PTPRO: variants seen among roughly 807,000 people sequenced by gnomAD.
The protein encoded by PTPRO is receptor-type tyrosine-protein phosphatase O.
Under a neutral mutation model 145.2 loss-of-function variants are expected in PTPRO, and 62 were observed. The observed-to-expected ratio is 0.43, with a 90% CI of 0.35 to 0.53. The LOEUF (loss-of-function observed/expected upper bound fraction) is 0.53. Ranked by LOEUF, PTPRO falls within the 20% of genes least tolerant of loss-of-function variation. The probability of loss-of-function intolerance (pLI) is 0.01; values close to 1 mark genes in which losing one functional copy is unlikely to be tolerated. For missense variants in PTPRO, 1,345 were observed against 1,482.7 expected (o/e 0.91, Z 1.53); for synonymous variants, 565 against 514.7 (o/e 1.10, Z -1.32).
intron 1 of PTPRO, among the ~76,000 whole-genome samples, chr12:15,385,911 T>C (rs1939014159): frequency 6.6e-6 from 1 of 151,588 alleles, no homozygotes; most frequent in African/African-American, 2.4e-5. Context: ...GATAAAGGTA[T>C]ATTTCTCAGC....
chr12:15,529,637 A>G (rs1451996820), intron 12 of PTPRO, among the ~76,000 whole-genome samples: 1 of 152,182 alleles, frequency 6.6e-6, no homozygotes, highest in African/African-American at 2.4e-5. Flanking sequence ...ATGACAGAGC[A>G]AGACCCCCAT....
chr12:15,455,617 T>C (rs1012722427), intron 1 of PTPRO, among the ~76,000 whole-genome samples: 3 of 152,180 alleles, frequency 2.0e-5, no homozygotes, highest in Non-Finnish European at 4.4e-5. Flanking sequence ...TTATTGTAAA[T>C]GGGACTGTTG....
Position 15,395,784 on chromosome 12 carries a change from T to G in PTPRO, c.75+72983T>G, listed in dbSNP as rs571860828. On this transcript the variant is annotated intron_variant, in intron 1 of 26. Coordinates refer to ENST00000281171, the MANE Select transcript of PTPRO (RefSeq NM_030667.3). ...TATTTCAGTTTATTGTTCCTTAATA[T>G]ATGACAGCACTGGACAATTAAAGAT... Among the ~76,000 whole-genome samples the G allele has an allele frequency of 7.3e-5, 11 of 150,138 alleles. No homozygotes were observed. In the South Asian group the frequency reaches 2.3e-3, roughly 32 times the overall value.
intron 1 of PTPRO, among the ~76,000 whole-genome samples, chr12:15,387,682 A>G (rs1440634250): frequency 6.6e-6 from 1 of 152,222 alleles, no homozygotes; most frequent in East Asian, 1.9e-4. Context: ...AGTGTCTAAA[A>G]CATAACCTGG....
At chr12:15,403,010 T>G (rs1168279441) in intron 1 of PTPRO, among the ~76,000 whole-genome samples, 2 of 152,194 alleles carry the variant, frequency 1.3e-5, no homozygotes, top group Non-Finnish European at 2.9e-5. Flanking sequence ...CTTTTTAGTT[T>G]TATTTGATTG....
chr12:15,495,540 A>T (rs1244419503), intron 2 of PTPRO, among the ~76,000 whole-genome samples: 1 of 151,952 alleles, frequency 6.6e-6, no homozygotes, highest in South Asian at 2.1e-4. Context: ...CTCAATTCTA[A>T]AAGTGTGAAT....
chr12:15,378,289 T>C (rs1290425526), intron 1 of PTPRO, among the ~76,000 whole-genome samples: 1 of 151,698 alleles, frequency 6.6e-6, no homozygotes, highest in East Asian at 1.9e-4. Flanking sequence ...ATTACTGAAA[T>C]CAGGAATGAA....
intron 17 of PTPRO, among the ~76,000 whole-genome samples, chr12:15,562,419 C>T (rs138257987): frequency 6.8e-4 from 103 of 152,286 alleles, no homozygotes; most frequent in Non-Finnish European, 9.3e-4. Context: ...TCTCCCCAGA[C>T]GCACACTGCC....
At chr12:15,568,432 A>AACAAG (rs1192594054) in intron 18 of PTPRO, among the ~76,000 whole-genome samples, 1 of 134,832 alleles carries the variant, frequency 7.4e-6, no homozygotes, top group Non-Finnish European at 1.5e-5. Flanking sequence ...TCTGTCTCAA[A>AACAAG]ACAAAACAAA....
At chr12:15,565,554 C>T in intron 17 of PTPRO, 39 bp from the exon 18 acceptor site, 2 of 1,314,104 alleles carry the variant, frequency 1.5e-6, no homozygotes, top group Non-Finnish European at 2.2e-6. Context: ...ATCAATTCTT[C>T]TGCCCAGATA....
chr12:15,334,506 T>C (rs183166571), intron 1 of PTPRO, among the ~76,000 whole-genome samples: 4 of 152,326 alleles, frequency 2.6e-5, no homozygotes, highest in African/African-American at 9.6e-5. Context: ...TTAAGACAAC[T>C]GCTATTACTT....
intron 1 of PTPRO, among the ~76,000 whole-genome samples, chr12:15,409,209 T>C (rs1305500880): frequency 6.6e-6 from 1 of 152,188 alleles, no homozygotes; most frequent in Non-Finnish European, 1.5e-5. Flanking sequence ...ACAGTGTAGC[T>C]GTCTCTCACT....
intron 1 of PTPRO, among the ~76,000 whole-genome samples, chr12:15,437,696 C>T (rs995768596): frequency 1.3e-5 from 2 of 152,198 alleles, no homozygotes; most frequent in Non-Finnish European, 2.9e-5. Flanking sequence ...GGAAGATCTG[C>T]AGGCATCTGA....
At chr12:15,513,607 T>C (rs1335098006) in intron 7 of PTPRO, among the ~76,000 whole-genome samples, 1 of 152,190 alleles carries the variant, frequency 6.6e-6, no homozygotes, top group Non-Finnish European at 1.5e-5. Context: ...ATTCATATCA[T>C]ATCACCAGTT....
rs540790238 is a variant in PTPRO at position 15,371,546 on chromosome 12, A to C, written c.75+48745A>C. ...CCACACCCAGCAAGCTCACATTGTT[A>C]TTTTAAGCACTGATTACAATAAGAT... On this transcript the variant is annotated intron_variant, in intron 1 of 26. Transcript: ENST00000281171. 1.8e-3 allele frequency among the ~76,000 whole-genome samples: 276 copies of C among 152,204 alleles called. 3 individuals carry two copies. The highest frequency in any genetic ancestry group is 6.4e-3 in the African/African-American group (267 of 41,558).
At chr12:15,544,506 CA>C (rs61249816) in intron 12 of PTPRO, among the ~76,000 whole-genome samples, 174 of 73,194 alleles carry the variant, frequency 2.4e-3, no homozygotes, top group South Asian at 4.2e-3. Context: ...GACTCCATCT[CA>C]AAAAAAAAAA....
At chr12:15,345,777 G>A (rs1939548834) in intron 1 of PTPRO, among the ~76,000 whole-genome samples, 1 of 152,148 alleles carries the variant, frequency 6.6e-6, no homozygotes, top group South Asian at 2.1e-4. Context: ...TCTGGGAAGA[G>A]ATTCTTAAGA....
chr12:15,454,585 C>CTA (rs1941127117), intron 1 of PTPRO, among the ~76,000 whole-genome samples: 2 of 149,534 alleles, frequency 1.3e-5, no homozygotes, highest in South Asian at 4.1e-4. Flanking sequence ...AGTCTGTTGT[C>CTA]TATATAGTCT....
Position 15,327,942 on chromosome 12 carries a change from C to T in PTPRO, c.75+5141C>T, listed in dbSNP as rs138210621. On this transcript the variant is annotated intron_variant, in intron 1 of 26. Transcript: ENST00000281171. ...CAGCCTGGCAAACATGGTGAAACCC[C>T]GTCTCTACTAAAAATACAAAAAACA... 1.6e-3 allele frequency among the ~76,000 whole-genome samples: 237 copies of T among 151,990 alleles called. 2 individuals carry two copies. The highest frequency in any genetic ancestry group is 5.6e-3 in the African/African-American group (230 of 41,436).
Sources: allele counts gnomAD v4.1 joint callset (sites outside exome capture counted in the v4.1 genomes callset), GRCh38; gene constraint gnomAD v4.1.1; transcripts MANE v1.5; gene names NCBI Gene and HGNC (gene_info 2026-07-23, HGNC 2026-07-21).